Variants in CNOT3 observed in about 807,000 individuals in gnomAD.
CNOT3 encodes the protein CCR4-NOT transcription complex subunit 3.
A neutral mutation model predicts 89.4 loss-of-function variants in CNOT3; 2 were observed. That is an observed-to-expected ratio of 0.02 (90% CI 0.01 to 0.07). The LOEUF is 0.07. Among genes scored for constraint, CNOT3 ranks in the 10% least tolerant of loss-of-function variants. The pLI is 1.00. For missense variants in CNOT3, 664 were observed against 1,010.2 expected (o/e 0.66, Z 4.65); for synonymous variants, 486 against 402.0 (o/e 1.21, Z -2.50).
Position 54,148,994 on chromosome 19 carries a change from G to A in CNOT3, c.1406+251G>A, listed in dbSNP as rs150356704. Among the ~76,000 whole-genome samples the A allele has an allele frequency of 7.9e-3, 1,209 of 152,276 alleles. 13 individuals carry two copies. The highest frequency in any genetic ancestry group is 0.027 in the African/African-American group (1,132 of 41,548). On this transcript the variant is annotated intron_variant, in intron 12 of 17. Transcript: ENST00000221232. This position sits in a 1 kb window ranked among gnomAD's most constrained non-coding sequence, Gnocchi z 6.3. ...CTCATCTAAGTGGAAGTTTTCTCAA[G>A]AGCCCCATACCCTTTCCTCCCCATT...
chr19:54,138,948 T>A, intron 1 of CNOT3, among the ~76,000 whole-genome samples: 1 of 152,216 alleles, frequency 6.6e-6, no homozygotes. Context: ...CCCTGCATCG[T>A]GACTCTCCGA....
intron 13 of CNOT3, among the ~76,000 whole-genome samples, chr19:54,150,220 C>T (rs1206906103): frequency 1.3e-5 from 2 of 151,690 alleles, no homozygotes; most frequent in East Asian, 1.9e-4. Flanking sequence ...GTGGGCCCAC[C>T]GAGGGGCATC....
intron 13 of CNOT3, among the ~76,000 whole-genome samples, chr19:54,150,646 C>A (rs1042657401): frequency 2.3e-5 from 2 of 85,692 alleles, no homozygotes; most frequent in Non-Finnish European, 6.1e-5. Flanking sequence ...TGTCCAGGTC[C>A]AAGTCTTGGC....
rs2075358692 is a variant in CNOT3 at position 54,155,536 on chromosome 19, G to C, written c.*129G>C. ...GCATCCCCCTCTCCCAGGAAGCAGG[G>C]AGGGGGCCGGGAGGTTTTCCTCTCA... is the stretch of plus-strand genomic sequence containing the variant. On this transcript the variant is annotated 3_prime_UTR_variant, in exon 18 of 18. Transcript: ENST00000221232. The C allele has an allele frequency of 1.1e-6, 1 of 909,456 alleles. No individual in the cohort carries two copies. The highest frequency in any genetic ancestry group is 1.6e-6 in the Non-Finnish European group (1 of 609,088). 56.3% of individuals were successfully genotyped at this position (909,456 alleles called of 1,614,324 possible). A position where few individuals can be genotyped will look rare whatever the true frequency, so the allele number is the denominator to read the frequency against.
At chr19:54,149,849 T>A (rs1485560753) in intron 13 of CNOT3, 91 bp downstream of exon 13, 2 of 1,203,952 alleles carry the variant, frequency 1.7e-6, no homozygotes, top group African/African-American at 2.8e-5. Flanking sequence ...GCCCCCACCC[T>A]CTTTCTGGAT....
intron 1 of CNOT3, among the ~76,000 whole-genome samples, chr19:54,138,362 A>G (rs1382310087): frequency 6.6e-6 from 1 of 151,850 alleles, no homozygotes; most frequent in African/African-American, 2.4e-5. Flanking sequence ...CCGCGTCGGT[A>G]TTGGCTCCTG....
At chr19:54,153,636 T>C (rs2075265134) in intron 16 of CNOT3, 79 bp from the exon 17 acceptor site, 2 of 1,091,166 alleles carry the variant, frequency 1.8e-6, no homozygotes, top group Non-Finnish European at 2.8e-6. Flanking sequence ...GGTTCAGCCC[T>C]GATGTCCTGC....
Position 54,146,616 on chromosome 19 carries a change from G to T in CNOT3, c.853G>T (p.Asp285Tyr). 3 of 1,552,592 alleles carry T rather than the reference G, an allele frequency of 1.9e-6. No homozygotes were observed. Among genetic ancestry groups the T allele is most frequent in the Non-Finnish European group, 2.7e-6 (3 of 1,123,960 alleles). Residue 285 changes from aspartate to tyrosine, a missense_variant, in exon 10 of 18, where the codon GAT becomes TAT. This residue lies in a region of CNOT3 where 545 missense variants were observed against 566.2 expected (regional missense o/e 0.96). Coordinates refer to ENST00000221232, the MANE Select transcript of CNOT3 (RefSeq NM_014516.4). ...CCTACCTCAGGAAAACTCTGAAGATGATAAGAAGAGGGGACGTTCCACAGA... is the reference window on the plus strand; with the variant it reads ...CCTACCTCAGGAAAACTCTGAAGATTATAAGAAGAGGGGACGTTCCACAGA... ...ANCTTENSED[D>Y]KKRGRSTDSE...
rs762086974 is a variant in CNOT3, at chr19:54,143,238, G to C, written c.93+52G>C. ...TGGGTCTTCAGAGAGGAGGGCACAG[G>C]AAGGCGGCTCAGGACCTCTGGGTGT... On this transcript the variant is annotated intron_variant, in intron 3 of 17. Transcript: ENST00000221232. 24 of 1,539,740 alleles carry C rather than the reference G, an allele frequency of 1.6e-5. No homozygotes were observed. In the East Asian group the frequency reaches 4.7e-4, roughly 30 times the overall value.
Position 54,148,151 on chromosome 19 carries a change from C to T in CNOT3, c.898C>T (p.Pro300Ser), listed in dbSNP as rs1417858219. Residue 300 changes from proline to serine, a missense_variant, in exon 11 of 18, where the codon CCA becomes TCA. Coordinates refer to ENST00000221232, the MANE Select transcript of CNOT3 (RefSeq NM_014516.4). The surrounding 1 kb of genome is among the most constrained non-coding windows in gnomAD (Gnocchi z 6.3). ...RSTDSEVSQS[P>S]AKNGSKPVHS... is the part of the protein sequence containing the mutation. The stretch of plus-strand genomic sequence containing the variant: ...CTCTGCTCTCTCCCACCCGCAGTCT[C>T]CAGCCAAAAACGGCTCCAAGCCTGT... 1.3e-6 allele frequency: 2 copies of T among 1,505,266 alleles called. No homozygotes were observed. Among genetic ancestry groups the T allele is most frequent in the East Asian group, 2.5e-5 (1 of 40,780 alleles). The allele number at this position is 1,505,266 out of a possible 1,614,324, so 93.2% of individuals were successfully genotyped here. A position where few individuals can be genotyped will look rare whatever the true frequency, so the allele number is the denominator to read the frequency against.
chr19:54,155,546 G>A lies in CNOT3; in HGVS notation c.*139G>A. The A allele has an allele frequency of 1.1e-6, 1 of 915,448 alleles. No individual in the cohort carries two copies. The highest frequency in any genetic ancestry group is 1.6e-6 in the Non-Finnish European group (1 of 614,764). The allele number at this position is 915,448 out of a possible 1,614,324, so 56.7% of individuals were successfully genotyped here. A position where few individuals can be genotyped will look rare whatever the true frequency, so the allele number is the denominator to read the frequency against. ...CTCCCAGGAAGCAGGGAGGGGGCCG[G>A]GAGGTTTTCCTCTCAGCCCCACCCT... On this transcript the variant is annotated 3_prime_UTR_variant, in exon 18 of 18. Transcript: ENST00000221232.
At chr19:54,149,809 CT>C in intron 13 of CNOT3, 51 bp downstream of exon 13, 1 of 1,520,088 alleles carries the variant, frequency 6.6e-7, no homozygotes. Flanking sequence ...TCTGTTGTTT[CT>C]TTCCTCCAGG....
chr19:54,153,253 G>A (rs765478925), intron 16 of CNOT3: 1 of 762,884 alleles, frequency 1.3e-6, no homozygotes, highest in South Asian at 1.4e-5. Context: ...CCCGCTTCCA[G>A]TTGCCCACTG....
intron 13 of CNOT3, among the ~76,000 whole-genome samples, chr19:54,150,118 T>G (rs2074987248): frequency 6.6e-6 from 1 of 152,116 alleles, no homozygotes; most frequent in African/African-American, 2.4e-5. Context: ...TGGTGTACTT[T>G]CTGCACAAGT....
chr19:54,141,571 AT>A (rs2074450340), intron 1 of CNOT3: 1 of 152,220 alleles, frequency 6.6e-6, no homozygotes, highest in Non-Finnish European at 1.5e-5. Context: ...TGGCCAACAG[AT>A]ATGCGCAAAT....
chr19:54,142,787 C>T, intron 1 of CNOT3, 142 bp from the exon 2 acceptor site: 1 of 643,668 alleles, frequency 1.6e-6, no homozygotes, highest in East Asian at 2.7e-5. Flanking sequence ...ATCAGGAGAA[C>T]TGGGGCTGGT....
intron 1 of CNOT3, 46 bp from the exon 2 acceptor site, chr19:54,142,883 C>T: frequency 7.7e-7 from 1 of 1,306,464 alleles, no homozygotes; most frequent in Non-Finnish European, 1.1e-6. Context: ...TGGGTTTTTA[C>T]CAGCCAGGGA....
chr19:54,153,212 G>C (rs757730640), intron 16 of CNOT3: 1 of 764,420 alleles, frequency 1.3e-6, no homozygotes, highest in Non-Finnish European at 2.4e-6. Flanking sequence ...TGGGTTGACA[G>C]CGAGGCTGGT....
At chr19:54,143,915 G>A in intron 5 of CNOT3, 91 bp from the exon 6 acceptor site, 1 of 1,541,654 alleles carries the variant, frequency 6.5e-7, no homozygotes, top group Non-Finnish European at 8.8e-7. Flanking sequence ...CAGAAAGTAG[G>A]GTCACGAGGC....
Sources: gnomAD v4.1 joint callset for allele counts (sites outside exome capture counted in the v4.1 genomes callset) on GRCh38, gnomAD v4.1.1 for gene constraint, gnomAD v4.1.1 regional missense constraint, Gnocchi (gnomAD v3.1) non-coding constraint, MANE v1.5 for transcripts, NCBI Gene and HGNC (gene_info 2026-07-23, HGNC 2026-07-21) for gene names.